Variants in WDR33 observed in about 807,000 individuals in gnomAD.
WDR33 encodes pre-mRNA 3' end processing protein WDR33.
Under a neutral mutation model 164.9 loss-of-function variants are expected in WDR33, and 47 were observed. That is an observed-to-expected ratio of 0.29 (90% CI 0.23 to 0.36). WDR33 has a LOEUF of 0.36. Ranked by LOEUF, WDR33 falls within the 10% of genes least tolerant of loss-of-function variation. The pLI, the probability that WDR33 is intolerant of heterozygous loss-of-function variation, is 1.00. For missense variants in WDR33, 1,137 were observed against 1,754.1 expected, an observed-to-expected ratio of 0.65 and a Z score of 6.28; for synonymous variants, 505 against 589.0, an observed-to-expected ratio of 0.86 and a Z score of 2.06.
chr2:127,710,954 C>G lies in WDR33; in HGVS notation c.3309-1098G>C, dbSNP rs969000870. Among the ~76,000 whole-genome samples, 16 of 152,244 alleles carry G rather than the reference C, an allele frequency of 1.1e-4. No individual in the cohort carries two copies. Among genetic ancestry groups the G allele is most frequent in the African/African-American group, 3.4e-4 (14 of 41,470 alleles). The stretch of plus-strand genomic sequence containing the variant: ...TTTATCTTCTCCGTCCAGCTACTCA[C>G]AAACATGTTTTCTAAACCATTTGAA... On this transcript the variant is annotated intron_variant, in intron 18 of 21. Transcript: ENST00000322313. This position sits in a 1 kb window ranked among gnomAD's most constrained non-coding sequence, Gnocchi z 4.4.
In WDR33 at chr2:127,768,811, A is replaced by C. The variant is rs575054218; in HGVS notation, c.273+122T>G. The stretch of plus-strand genomic sequence containing the variant: ...GATGTGTTATATTATCCCTTTGGGA[A>C]TATTTTAATTATAAAAATGTAAAAA... On this transcript the variant is annotated intron_variant, in intron 3 of 21. Transcript: ENST00000322313. 3.4e-3 allele frequency: 2,078 copies of C among 609,260 alleles called. 16 individuals carry two copies. The highest frequency in any genetic ancestry group is 8.9e-3 in the South Asian group (514 of 57,790). The allele number at this position is 609,260 out of a possible 1,614,324, so 37.7% of individuals were successfully genotyped here.
chr2:127,808,865 C>G (rs971150189), intron 1 of WDR33, among the ~76,000 whole-genome samples: 1 of 152,084 alleles, frequency 6.6e-6, no homozygotes, highest in Non-Finnish European at 1.5e-5. Context: ...CCCGTCTCTA[C>G]TAAAAATACA....
At chr2:127,755,079 T>C (rs1687482682) in intron 7 of WDR33, among the ~76,000 whole-genome samples, 1 of 152,206 alleles carries the variant, frequency 6.6e-6, no homozygotes, top group Non-Finnish European at 1.5e-5. Context: ...GGATTGTTTT[T>C]ATGAACTCTA....
intron 4 of WDR33, among the ~76,000 whole-genome samples, chr2:127,766,462 G>A (rs946343249): frequency 5.9e-5 from 9 of 151,876 alleles, no homozygotes; most frequent in Admixed American, 2.6e-4. Flanking sequence ...ATCCTAACCC[G>A]GTCAATACTA....
intron 7 of WDR33, among the ~76,000 whole-genome samples, chr2:127,730,164 T>G (rs1286796053): frequency 6.6e-6 from 1 of 152,166 alleles, no homozygotes; most frequent in Non-Finnish European, 1.5e-5. Context: ...TAAAAAAAAT[T>G]TACTAAACTT....
intron 7 of WDR33, among the ~76,000 whole-genome samples, chr2:127,750,680 ATATATATATATATATATATAT>A (rs1687312632): frequency 3.0e-5 from 1 of 33,312 alleles, no homozygotes; most frequent in Non-Finnish European, 4.7e-5. Context: ...AAAAAAAAAT[ATATATATATATATATATATAT>A]ATATATATAT....
chr2:127,701,362 G>C lies in WDR33; in HGVS notation c.*4961C>G, dbSNP rs575284959. On this transcript the variant is annotated 3_prime_UTR_variant, in exon 22 of 22. Coordinates refer to ENST00000322313, the MANE Select transcript of WDR33 (RefSeq NM_018383.5). ...GCAGCACCTGCGACCACGGTACTTG[G>C]GGACACCACAAAAGTCCGCAGAGCA... The C allele has an allele frequency of 1.8e-5, 10 of 554,810 alleles. No individual in the cohort carries two copies. Among genetic ancestry groups the C allele is most frequent in the African/African-American group, 1.8e-4 (9 of 51,044 alleles). The allele number at this position is 554,810 out of a possible 1,614,324, so 34.4% of individuals were successfully genotyped here.
chr2:127,745,465 A>G (rs1687141196), intron 7 of WDR33, among the ~76,000 whole-genome samples: 1 of 152,288 alleles, frequency 6.6e-6, no homozygotes, highest in African/African-American at 2.4e-5. Flanking sequence ...CTCACCCTTA[A>G]CTGTATTTAA....
intron 1 of WDR33, among the ~76,000 whole-genome samples, chr2:127,787,558 C>T: frequency 8.6e-6 from 1 of 115,892 alleles, no homozygotes; most frequent in African/African-American, 3.8e-5. Context: ...ACCTCCCTCC[C>T]GGACGGGGCG....
rs1347135430 is a variant in WDR33 at position 127,722,475 on chromosome 2, A to G, written c.1518+116T>C. 1.4e-6 allele frequency: 2 copies of G among 1,407,500 alleles called. No homozygotes were observed. Among genetic ancestry groups the G allele is most frequent in the East Asian group, 2.3e-5 (1 of 43,438 alleles). 87.2% of individuals were successfully genotyped at this position (1,407,500 alleles called of 1,614,324 possible). A position where few individuals can be genotyped will look rare whatever the true frequency, so the allele number is the denominator to read the frequency against. On this transcript the variant is annotated intron_variant, in intron 14 of 21. Transcript: ENST00000322313. This position sits in a 1 kb window ranked among gnomAD's most constrained non-coding sequence, Gnocchi z 5.1. The stretch of plus-strand genomic sequence containing the variant: ...GAACCATGTCTAAGAGTACGTGAAC[A>G]TGGGAAAAATGCTCCAGTACAGAAA...
intron 1 of WDR33, among the ~76,000 whole-genome samples, chr2:127,776,128 G>A (rs537189232): frequency 6.6e-6 from 1 of 152,214 alleles, no homozygotes; most frequent in East Asian, 1.9e-4. Context: ...TTTAGATTTA[G>A]GGCCCTAATC....
rs1475522131 is a variant in WDR33, at chr2:127,713,451, C to T, written c.3308+132G>A. ...CTTTTTTTAAACGTCCAAATGCAAA[C>T]TCTACAGAGTGCAGGGCTGGTAATT... On this transcript the variant is annotated intron_variant, in intron 18 of 21. Coordinates refer to ENST00000322313, the MANE Select transcript of WDR33 (RefSeq NM_018383.5). This position sits in a 1 kb window ranked among gnomAD's most constrained non-coding sequence, Gnocchi z 6.2. 2 of 1,054,996 alleles carry T rather than the reference C, an allele frequency of 1.9e-6. No individual in the cohort carries two copies. The highest frequency in any genetic ancestry group is 2.8e-6 in the Non-Finnish European group (2 of 723,098). 65.4% of individuals were successfully genotyped at this position (1,054,996 alleles called of 1,614,324 possible).
intron 7 of WDR33, among the ~76,000 whole-genome samples, chr2:127,753,642 A>C (rs570852906): frequency 4.5e-4 from 69 of 152,326 alleles, no homozygotes; most frequent in African/African-American, 1.5e-3. Context: ...GTCTCTTTAT[A>C]TACTTCCAAA....
Position 127,708,887 on chromosome 2 carries a change from C to A in WDR33, c.3571G>T (p.Gly1191Cys). The part of the protein sequence containing the change: ...SWDGNREPGP[G>C]HEHFRDTPRP... ...GGAGTATCACGAAAATGTTCATGAC[C>A]TGGCCCTGAAACAAGAAACAAATCT... Residue 1191 changes from glycine to cysteine, a missense_variant, in exon 21 of 22, where the codon GGT becomes TGT. Coordinates refer to ENST00000322313, the MANE Select transcript of WDR33 (RefSeq NM_018383.5). This position sits in a 1 kb window ranked among gnomAD's most constrained non-coding sequence, Gnocchi z 6.7. The A allele has an allele frequency of 6.4e-7, 1 of 1,557,198 alleles. No individual in the cohort carries two copies. Among genetic ancestry groups the A allele is most frequent in the South Asian group, 1.2e-5 (1 of 83,370 alleles).
intron 18 of WDR33, among the ~76,000 whole-genome samples, chr2:127,711,770 A>ATTTTTTTTTTTTTTTTTT (rs1220888579): frequency 1.3e-5 from 1 of 77,894 alleles, no homozygotes; most frequent in Non-Finnish European, 2.3e-5. Flanking sequence ...ATATATATAT[A>ATTTTTTTTTTTTTTTTTT]TATATATATA....
chr2:127,728,255 T>C (rs776114404), intron 7 of WDR33, among the ~76,000 whole-genome samples: 1 of 152,220 alleles, frequency 6.6e-6, no homozygotes, highest in Non-Finnish European at 1.5e-5. Context: ...GATGCACCTA[T>C]TATAAATGAC....
Position 127,721,059 on chromosome 2 carries a change from T to A in WDR33, c.1672-706A>T, listed in dbSNP as rs781312456. Among the ~76,000 whole-genome samples the A allele has an allele frequency of 6.6e-6, 1 of 152,232 alleles. No homozygotes were observed. The highest frequency in any genetic ancestry group is 1.5e-5 in the Non-Finnish European group (1 of 68,038). Reference sequence around the variant, plus strand: ...GGCTTTATCTTTTCTATTAAAAATGTATATTTAACTTAGATCTACTCACTG... The same window carrying A: ...GGCTTTATCTTTTCTATTAAAAATGAATATTTAACTTAGATCTACTCACTG... On this transcript the variant is annotated intron_variant, in intron 15 of 21. Coordinates refer to ENST00000322313, the MANE Select transcript of WDR33 (RefSeq NM_018383.5). This position sits in a 1 kb window ranked among gnomAD's most constrained non-coding sequence, Gnocchi z 4.9.
intron 1 of WDR33, among the ~76,000 whole-genome samples, chr2:127,771,287 TA>T (rs911012605): frequency 2.6e-5 from 4 of 152,206 alleles, no homozygotes; most frequent in Non-Finnish European, 5.9e-5. Flanking sequence ...CGGTACAGCC[TA>T]ATGCTCTTAG....
intron 21 of WDR33, among the ~76,000 whole-genome samples, chr2:127,707,239 A>AG (rs1686040868): frequency 6.6e-6 from 1 of 151,444 alleles, no homozygotes; most frequent in East Asian, 1.9e-4. Flanking sequence ...TAAAAAAAAA[A>AG]AAAAAAGAAA....
Sources: allele counts gnomAD v4.1 joint callset (sites outside exome capture counted in the v4.1 genomes callset), GRCh38; gene constraint gnomAD v4.1.1; non-coding constraint Gnocchi (gnomAD v3.1); transcripts MANE v1.5; gene names NCBI Gene and HGNC (gene_info 2026-07-23, HGNC 2026-07-21).